PPARG: variants seen among roughly 807,000 people sequenced by gnomAD.
PPARG encodes the protein peroxisome proliferator-activated receptor gamma.
PPARG carries 17 observed loss-of-function variants against 39.2 expected under a neutral mutation model. The ratio of observed to expected loss-of-function variants is 0.43; its 90% CI spans 0.30 to 0.65. The LOEUF (loss-of-function observed/expected upper bound fraction) is 0.65, where lower values mean the gene tolerates loss of function less well. PPARG is among the 30% of genes least tolerant of loss of function. The pLI, the probability that PPARG is intolerant of heterozygous loss-of-function variation, is 0.13. For missense variants in PPARG, 406 were observed against 585.9 expected (o/e 0.69, Z 3.17); for synonymous variants, 223 against 215.7 (o/e 1.03, Z -0.30).
intron 2 of PPARG, among the ~76,000 whole-genome samples, chr3:12,325,413 CTT>C (rs1275881878): frequency 1.3e-5 from 2 of 151,852 alleles, no homozygotes; most frequent in Non-Finnish European, 2.9e-5. Context: ...AAGAGCGAGA[CTT>C]TGTCTCTAAA....
rs948807676 is a variant in PPARG at position 12,377,457 on chromosome 3, G to T, written c.-8-2247G>T. On this transcript the variant is annotated intron_variant, in intron 2 of 7. Coordinates refer to ENST00000651735, the MANE Select transcript of PPARG (RefSeq NM_138711.6). ...CGCTTTAAGAAAAGGTGTATCCACAGAAAAGATTATTGAGTAATTTTTCAT... is the reference window on the plus strand; with the variant it reads ...CGCTTTAAGAAAAGGTGTATCCACATAAAAGATTATTGAGTAATTTTTCAT... 1.3e-5 allele frequency among the ~76,000 whole-genome samples: 2 copies of T among 152,136 alleles called. 1 individual carries two copies. Among genetic ancestry groups the T allele is most frequent in the African/African-American group, 4.8e-5 (2 of 41,428 alleles).
At position 12,328,174 on chromosome 3, in the gene PPARG, A is replaced by G. The variant is rs553127931; in HGVS notation, c.-9+15721A>G. The G allele has an allele frequency of 1.3e-5, 18 of 1,354,194 alleles. No homozygotes were observed. In the African/African-American group the frequency reaches 2.4e-4, roughly 18 times the overall value. The allele number at this position is 1,354,194 out of a possible 1,614,324, so 83.9% of individuals were successfully genotyped here. A position where few individuals can be genotyped will look rare whatever the true frequency, so the allele number is the denominator to read the frequency against. ...GTTAGAGAAGCAGCAAATAGCGAAG[A>G]AAAAATTAAAGAACTAGAACAGAAA... On this transcript the variant is annotated intron_variant, in intron 2 of 7. Coordinates refer to ENST00000651735, the MANE Select transcript of PPARG (RefSeq NM_138711.6).
chr3:12,394,211 C>G (rs1190902297), intron 5 of PPARG, among the ~76,000 whole-genome samples: 1 of 152,134 alleles, frequency 6.6e-6, no homozygotes, highest in Non-Finnish European at 1.5e-5. Flanking sequence ...ACTGAGACAG[C>G]CTAGGAAAGC....
intron 4 of PPARG, among the ~76,000 whole-genome samples, chr3:12,384,641 T>C (rs1476066404): frequency 6.6e-6 from 1 of 152,152 alleles, no homozygotes; most frequent in Non-Finnish European, 1.5e-5. Flanking sequence ...ACATCAGCAG[T>C]TCCCAAAGTG....
At chr3:12,396,373 C>T (rs974524795) in intron 5 of PPARG, among the ~76,000 whole-genome samples, 1 of 152,294 alleles carries the variant, frequency 6.6e-6, no homozygotes, top group African/African-American at 2.4e-5. Context: ...CCACCCACCT[C>T]AGCCTCCCAA....
chr3:12,309,724 A>G (rs12485478), intron 1 of PPARG, among the ~76,000 whole-genome samples: 6,271 of 152,274 alleles, frequency 0.041, 302 homozygotes, highest in East Asian at 0.28. Flanking sequence ...ATCTTAAGTC[A>G]ACTTCACCAT....
In PPARG at chr3:12,395,186, C is replaced by CA. The variant is rs141541228; in HGVS notation, c.529+2437dup. Among the ~76,000 whole-genome samples, 495 of 152,306 alleles carry CA rather than the reference C, an allele frequency of 3.3e-3. 6 individuals are homozygous for CA. Among genetic ancestry groups the CA allele is most frequent in the African/African-American group, 0.012 (481 of 41,558 alleles). On this transcript the variant is annotated intron_variant, in intron 5 of 7. Coordinates refer to ENST00000651735, the MANE Select transcript of PPARG (RefSeq NM_138711.6). ...TGAAAATTCTATGATTCTGTATAAT[C>CA]AAACAACCTAACTCACTGGATTTTT... is the stretch of plus-strand genomic sequence containing the variant.
intron 2 of PPARG, among the ~76,000 whole-genome samples, chr3:12,347,925 C>T (rs1356663416): frequency 1.3e-5 from 2 of 152,114 alleles, no homozygotes; most frequent in Non-Finnish European, 2.9e-5. Context: ...GTTAGTAGCA[C>T]TTACAGCATT....
chr3:12,312,037 G>A (rs958662682), intron 1 of PPARG, among the ~76,000 whole-genome samples: 5 of 152,292 alleles, frequency 3.3e-5, no homozygotes, highest in Admixed American at 2.0e-4. Context: ...TAGAGGTATC[G>A]TCATTCATGT....
At chr3:12,288,809 C>G (rs1187156278), upstream of PPARG, 1 of 152,270 alleles carries the variant, frequency 6.6e-6, no homozygotes, top group African/African-American at 2.4e-5. Context: ...CCAGCCGCAC[C>G]CCGGGGGGCT....
intron 2 of PPARG, among the ~76,000 whole-genome samples, chr3:12,369,515 C>G (rs1020830576): frequency 6.6e-6 from 1 of 152,034 alleles, no homozygotes; most frequent in East Asian, 1.9e-4. Flanking sequence ...ATAATAATAA[C>G]TTATACTATT....
chr3:12,412,271 C>A (rs2050902818), intron 6 of PPARG, among the ~76,000 whole-genome samples: 1 of 151,778 alleles, frequency 6.6e-6, no homozygotes, highest in South Asian at 2.1e-4. Context: ...TTTCTCCATT[C>A]AAAAAGGTAA....
At position 12,397,375 on chromosome 3, in the gene PPARG, C is replaced by CTT. The variant is rs1211383093; in HGVS notation, c.529+4627_529+4628dup. 4.5e-5 allele frequency among the ~76,000 whole-genome samples: 6 copies of CTT among 132,020 alleles called. No homozygotes were observed. The East Asian group carries it at 6.4e-4, about 14-fold the overall frequency. The allele number at this position is 132,020 out of a possible 152,430, so 86.6% of individuals were successfully genotyped here. On this transcript the variant is annotated intron_variant, in intron 5 of 7. Transcript: ENST00000651735. The stretch of plus-strand genomic sequence containing the variant: ...ACTAGATTTCAACTTTAACCTATTC[C>CTT]TTTTTATTATTATTATTATTATTAT...
At chr3:12,318,617 T>A (rs990803588) in intron 2 of PPARG, among the ~76,000 whole-genome samples, 2 of 152,198 alleles carry the variant, frequency 1.3e-5, no homozygotes, top group Non-Finnish European at 2.9e-5. Context: ...CTCCTTTTTA[T>A]TCTCAACTTT....
intron 2 of PPARG, among the ~76,000 whole-genome samples, chr3:12,327,766 T>C (rs2047735589): frequency 6.6e-6 from 1 of 152,202 alleles, no homozygotes; most frequent in Non-Finnish European, 1.5e-5. Context: ...AAAAAGGTGT[T>C]AAAATCCCAG....
At chr3:12,365,147 A>G (rs1420837751) in intron 2 of PPARG, among the ~76,000 whole-genome samples, 2 of 152,188 alleles carry the variant, frequency 1.3e-5, no homozygotes, top group Non-Finnish European at 2.9e-5. Context: ...ATGAGAATCT[A>G]ATGCAGCCAC....
chr3:12,406,103 T>A, intron 6 of PPARG, 22 bp downstream of exon 6: 1 of 1,612,170 alleles, frequency 6.2e-7, no homozygotes, highest in Non-Finnish European at 8.5e-7. Context: ...TCTGCTGTCT[T>A]CATTGGGGGA....
At chr3:12,355,048 C>A (rs1316614982) in intron 2 of PPARG, among the ~76,000 whole-genome samples, 3 of 152,112 alleles carry the variant, frequency 2.0e-5, no homozygotes, top group Admixed American at 2.0e-4. Context: ...TACATGTTTT[C>A]TTCTCAGAGG....
chr3:12,345,695 TG>T (rs2125080207), intron 2 of PPARG, among the ~76,000 whole-genome samples: 1 of 152,230 alleles, frequency 6.6e-6, no homozygotes, highest in Admixed American at 6.5e-5. Context: ...TTAAGTTTCG[TG>T]AGCCCGTGAT....
Sources: allele counts gnomAD v4.1 joint callset (sites outside exome capture counted in the v4.1 genomes callset), GRCh38; gene constraint gnomAD v4.1.1; transcripts MANE v1.5; gene names NCBI Gene and HGNC (gene_info 2026-07-23, HGNC 2026-07-21).